OGFOD2: variants seen among roughly 807,000 people sequenced by gnomAD.
OGFOD2 encodes the protein 2-oxoglutarate and iron dependent oxygenase domain containing 2, also known as 2-oxoglutarate and iron-dependent oxygenase domain-containing protein 2.
OGFOD2 carries 34 observed loss-of-function variants against 31.1 expected under a neutral mutation model. The observed-to-expected ratio is 1.09, with a 90% CI of 0.83 to 1.45. The LOEUF (loss-of-function observed/expected upper bound fraction) is 1.45, where lower values mean the gene tolerates loss of function less well. Among genes scored for constraint, OGFOD2 ranks in the 40% most tolerant of loss-of-function variants. The probability of loss-of-function intolerance (pLI) is 0.00; values close to 1 mark genes in which losing one functional copy is unlikely to be tolerated. For missense variants in OGFOD2, 537 were observed against 433.9 expected, an observed-to-expected ratio of 1.24 and a Z score of -2.11; for synonymous variants, 240 against 192.3, an observed-to-expected ratio of 1.25 and a Z score of -2.05.
intron 4 of OGFOD2, chr12:122,978,231 TGTA>T (rs1437386116): frequency 3.6e-6 from 2 of 560,868 alleles, no homozygotes. Flanking sequence ...TGTGGACACT[TGTA>T]GAGTCTGGGG....
chr12:122,975,600 T>C (rs2037395117), intron 1 of OGFOD2: 1 of 600,088 alleles, frequency 1.7e-6, no homozygotes, highest in African/African-American at 1.9e-5. Flanking sequence ...TGTAGGGTGC[T>C]TAGGACAGGG....
rs1228091022 is a variant in OGFOD2 at position 122,976,195 on chromosome 12, ATCCCAGCCACAGC to A, written c.189+330_189+342del. On this transcript the variant is annotated intron_variant, in intron 2 of 6. Coordinates refer to ENST00000228922, the Ensembl canonical transcript of OGFOD2. ...AGCTTTTACAGCAGGAGCAGATGTG[ATCCCAGCCACAGC>A]TTCCAGGCCCCTGGGCTCCTCACAC... 6.6e-6 allele frequency: 4 copies of A among 603,392 alleles called. No homozygotes were observed. In the African/African-American group the frequency reaches 7.4e-5, roughly 11 times the overall value. The allele number at this position is 603,392 out of a possible 1,614,324, so 37.4% of individuals were successfully genotyped here. A position where few individuals can be genotyped will look rare whatever the true frequency, so the allele number is the denominator to read the frequency against.
chr12:122,976,170 A>G (rs566595384), intron 2 of OGFOD2: 42 of 595,520 alleles, frequency 7.1e-5, no homozygotes, highest in African/African-American at 6.5e-4. Context: ...CCCTTGCCCA[A>G]GCTTTTACAG....
At chr12:122,976,306 T>G in intron 2 of OGFOD2, 3 of 1,448,324 alleles carry the variant, frequency 2.1e-6, no homozygotes, top group Non-Finnish European at 2.9e-6. Flanking sequence ...CTGGAGTCAG[T>G]GGTGGGAAGC....
In OGFOD2 at chr12:122,975,807, C is replaced by G; in HGVS notation, c.133-4C>G. ...GTCATGCTCAGTGTTCTTTCTGCTC[C>G]CAGATCCTGCGCAGCCGAGGCTGTG... On this transcript the variant is annotated splice_polypyrimidine_tract_variant and splice_region_variant and intron_variant, in intron 1 of 6. Transcript: ENST00000228922. 2.8e-6 allele frequency: 2 copies of G among 702,920 alleles called. No homozygotes were observed. Among genetic ancestry groups the G allele is most frequent in the Non-Finnish European group, 5.2e-6 (2 of 384,930 alleles). The allele number at this position is 702,920 out of a possible 1,614,324, so 43.5% of individuals were successfully genotyped here. A position where few individuals can be genotyped will look rare whatever the true frequency, so the allele number is the denominator to read the frequency against.
chr12:122,975,247 T>G (rs1449948360), exon 1 of OGFOD2: 3 of 675,158 alleles, frequency 4.4e-6, no homozygotes, highest in Non-Finnish European at 8.2e-6. Context: ...TGTGGGTGCT[T>G]CACTATGGCG....
intron 2 of OGFOD2, 190 bp downstream of exon 2, chr12:122,976,057 T>C (rs2037417051): frequency 1.7e-6 from 1 of 599,540 alleles, no homozygotes; most frequent in Admixed American, 2.8e-5. Flanking sequence ...GGGGAAATGC[T>C]AAGTTGCTAA....
intron 4 of OGFOD2, chr12:122,977,299 G>A: frequency 2.7e-6 from 1 of 377,312 alleles, no homozygotes; most frequent in Non-Finnish European, 5.2e-6. Context: ...ATTGAGACAG[G>A]TATGGGCAGG....
At chr12:122,979,041 G>C (rs759540436) in intron 6 of OGFOD2, 31 bp downstream of exon 6, 66 of 1,605,586 alleles carry the variant, frequency 4.1e-5, no homozygotes, top group Non-Finnish European at 5.5e-5. Context: ...GCAGGGCCTG[G>C]GGCAGCTGTG....
At chr12:122,978,765 G>A (rs769287485) in exon 6 of OGFOD2, 3 of 1,607,900 alleles carry the variant, frequency 1.9e-6, no homozygotes, top group African/African-American at 1.3e-5. Flanking sequence ...GCTGCTGCAC[G>A]AGCTCGGGCT....
At chr12:122,977,243 C>T in intron 4 of OGFOD2, 1 of 462,326 alleles carries the variant, frequency 2.2e-6, no homozygotes, top group Non-Finnish European at 4.1e-6. Flanking sequence ...ATGTGTGGGA[C>T]AGCTGGCACA....
chr12:122,979,732 T>A (rs3759115), exon 7 of OGFOD2: 1 of 223,660 alleles, frequency 4.5e-6, no homozygotes, highest in Non-Finnish European at 8.8e-6. Flanking sequence ...CAGACACTTA[T>A]CTCCAGGGCA....
Position 122,978,744 on chromosome 12 carries a change from C to A in OGFOD2, c.532-9C>A. 1 of 1,603,856 alleles carries A rather than the reference C, an allele frequency of 6.2e-7. No homozygotes were observed. The highest frequency in any genetic ancestry group is 8.5e-7 in the Non-Finnish European group (1 of 1,174,188). On this transcript the variant is annotated splice_polypyrimidine_tract_variant and intron_variant, in intron 5 of 6. Coordinates refer to ENST00000228922, the Ensembl canonical transcript of OGFOD2. ...AGTTTCCTTGCTGACCCCAGGAATC[C>A]CCTCCCAGGTGCTGCTGCACGAGCT...
At chr12:122,979,483 C>T in exon 7 of OGFOD2, 1 of 1,099,994 alleles carries the variant, frequency 9.1e-7, no homozygotes. Context: ...ATTCTATGGG[C>T]AAAGATGCTG....
At chr12:122,979,036 G>A (rs1206852124) in intron 6 of OGFOD2, 26 bp downstream of exon 6, 1 of 1,606,702 alleles carries the variant, frequency 6.2e-7, no homozygotes, top group Non-Finnish European at 8.5e-7. Context: ...ATGCGGCAGG[G>A]CCTGGGGCAG....
rs367923849 is a variant in OGFOD2, at chr12:122,978,920, C to T, written c.699C>T (p.Gly233=). The T allele has an allele frequency of 4.0e-5, 64 of 1,613,168 alleles. 1 individual carries two copies. The African/African-American group carries it at 5.2e-4, about 13-fold the overall frequency. Residue 233 remains glycine (G), a synonymous_variant, in exon 6 of 7, where the codon GGC becomes GGT. Transcript: ENST00000228922. ...CACCGGGCCAGGACCTGGAGCTGGG[C>T]TGCCACTATGATAATGCCGAGCTCA...
At chr12:122,975,498 C>T (rs2037389374) in intron 1 of OGFOD2, 115 bp downstream of exon 1, 3 of 590,040 alleles carry the variant, frequency 5.1e-6, no homozygotes, top group Non-Finnish European at 9.1e-6. Context: ...TCTTCAAATA[C>T]AAGAATGACG....
chr12:122,979,352 C>T (rs943325748), exon 7 of OGFOD2: 20 of 1,592,380 alleles, frequency 1.3e-5, no homozygotes, highest in Non-Finnish European at 1.7e-5. Context: ...CCTGAGCTTG[C>T]TTGGGCCCAG....
exon 1 of OGFOD2, chr12:122,975,260 G>A (rs2037378024): frequency 1.5e-6 from 1 of 678,326 alleles, no homozygotes; most frequent in East Asian, 2.7e-5. Context: ...CTATGGCGAC[G>A]GTGGGGGCTC....
Sources: gnomAD v4.1 joint callset for allele counts on GRCh38, gnomAD v4.1.1 for gene constraint, MANE v1.5 for transcripts, NCBI Gene and HGNC (gene_info 2026-07-23, HGNC 2026-07-21) for gene names.